LANCL2: variants seen among roughly 807,000 people sequenced by gnomAD.
The protein encoded by LANCL2 is LanC like glutathione S-transferase 2, also known as lanC-like protein 2.
In LANCL2, 33 loss-of-function variants were observed where a neutral mutation model predicts 56.9. The observed-to-expected ratio is 0.58, with a 90% confidence interval of 0.44 to 0.78. The LOEUF is 0.78. LANCL2 is among the 30% of genes least tolerant of loss of function. The probability of loss-of-function intolerance (pLI) is 0.00; values close to 1 mark genes in which losing one functional copy is unlikely to be tolerated. For missense variants in LANCL2, 562 were observed against 580.2 expected (o/e 0.97, Z 0.32); for synonymous variants, 233 against 228.2 (o/e 1.02, Z -0.19).
At chr7:55,379,075 A>G (rs564207696) in intron 1 of LANCL2, among the ~76,000 whole-genome samples, 2 of 152,326 alleles carry the variant, frequency 1.3e-5, no homozygotes, top group Admixed American at 6.5e-5. Flanking sequence ...GTGTGAAGCC[A>G]GGAGGTGGAG....
At chr7:55,401,405 T>C in intron 5 of LANCL2, 85 bp downstream of exon 5, 1 of 1,201,494 alleles carries the variant, frequency 8.3e-7, no homozygotes, top group South Asian at 1.4e-5. Context: ...CAAAGCAGTC[T>C]GGATTGAAAT....
At chr7:55,427,393 A>G (rs550335150) in intron 7 of LANCL2, among the ~76,000 whole-genome samples, 1 of 152,256 alleles carries the variant, frequency 6.6e-6, no homozygotes, top group Non-Finnish European at 1.5e-5. Flanking sequence ...AGATTGCTGT[A>G]GTCCCAGTAG....
intron 1 of LANCL2, among the ~76,000 whole-genome samples, chr7:55,375,874 C>G (rs998284257): frequency 1.3e-5 from 2 of 152,206 alleles, no homozygotes; most frequent in South Asian, 4.1e-4. Flanking sequence ...TCCTCAATGC[C>G]ACCTGAGCCC....
At chr7:55,421,441 C>T (rs529130302) in intron 6 of LANCL2, among the ~76,000 whole-genome samples, 53 of 150,324 alleles carry the variant, frequency 3.5e-4, no homozygotes, top group Middle Eastern at 3.4e-3. Context: ...TGGGTTCAAG[C>T]AATTCTCCTG....
At chr7:55,383,836 C>G (rs1239346355) in intron 1 of LANCL2, among the ~76,000 whole-genome samples, 1 of 137,320 alleles carries the variant, frequency 7.3e-6, no homozygotes, top group Non-Finnish European at 1.6e-5. Flanking sequence ...GACTTCGTCT[C>G]TCTCTATATA....
intron 1 of LANCL2, among the ~76,000 whole-genome samples, chr7:55,373,208 T>TTAAC: frequency 1.9e-5 from 2 of 105,828 alleles, no homozygotes. Context: ...CCACTTAACT[T>TTAAC]TACTGCTTTC....
chr7:55,386,636 C>CT (rs1554380364), intron 1 of LANCL2, among the ~76,000 whole-genome samples: 6 of 152,064 alleles, frequency 3.9e-5, no homozygotes, highest in African/African-American at 4.8e-5. Context: ...GCTTATCCGG[C>CT]TTTTTTTTGC....
At chr7:55,397,086 A>C (rs1790261806) in intron 2 of LANCL2, 1 of 152,224 alleles carries the variant, frequency 6.6e-6, no homozygotes, top group African/African-American at 2.4e-5. Flanking sequence ...AAAAAGTGTT[A>C]AGGATTAATT....
intron 8 of LANCL2, 45 bp from the exon 9 acceptor site, chr7:55,431,181 C>A (rs745949849): frequency 7.1e-7 from 1 of 1,416,986 alleles, no homozygotes; most frequent in Non-Finnish European, 9.8e-7. Context: ...GTTATAGACA[C>A]TACCCTTATG....
intron 1 of LANCL2, among the ~76,000 whole-genome samples, chr7:55,366,885 GGA>G (rs1312955402): frequency 6.6e-6 from 1 of 152,214 alleles, no homozygotes; most frequent in Non-Finnish European, 1.5e-5. Context: ...GGCAGCTGTG[GGA>G]GAGTAAAGTG....
In LANCL2 at chr7:55,432,194, A is replaced by C. The variant is rs997799697; in HGVS notation, c.*874A>C. 5 of 152,262 alleles carry C rather than the reference A, an allele frequency of 3.3e-5. No individual in the cohort carries two copies. The highest frequency in any genetic ancestry group is 1.2e-4 in the African/African-American group (5 of 41,474). The allele number at this position is 152,262 out of a possible 1,614,324, so 9.4% of individuals were successfully genotyped here. On this transcript the variant is annotated 3_prime_UTR_variant, in exon 9 of 9. Coordinates refer to ENST00000254770, the MANE Select transcript of LANCL2 (RefSeq NM_018697.4). ...CATTATAAGTTACTGTTCTAAGAAA[A>C]GTAAATACAGTTCCAGATGGGTTAT...
Position 55,428,386 on chromosome 7 carries a change from G to A in LANCL2, c.1197G>A (p.Trp399Ter). ...YLYRACKFAE[W>*]CLDYGAHGCR... is the part of the protein sequence containing the mutation. ...CCCTTTCTTTTCAGTTTGCAGAGTGGTGTCTAGATTACGGAGCACACGGGT... is the reference window on the plus strand; with the variant it reads ...CCCTTTCTTTTCAGTTTGCAGAGTGATGTCTAGATTACGGAGCACACGGGT... The change falls in exon 8 of 9, where the codon TGG (tryptophan) becomes TGA (stop). Residue 399 changes from tryptophan (W) to a stop codon, truncating the protein, a stop_gained. Transcript: ENST00000254770. LOFTEE classifies it high-confidence loss of function. The A allele has an allele frequency of 6.2e-7, 1 of 1,614,060 alleles. No individual in the cohort carries two copies. Among genetic ancestry groups the A allele is most frequent in the Non-Finnish European group, 8.5e-7 (1 of 1,179,880 alleles).
rs2128990264 is a variant in LANCL2, at chr7:55,365,932, C to CA, written c.-94_-93insA. 9.6e-7 allele frequency: 1 copy of CA among 1,037,496 alleles called. No homozygotes were observed. Among genetic ancestry groups the CA allele is most frequent in the African/African-American group, 1.7e-5 (1 of 58,808 alleles). 64.3% of individuals were successfully genotyped at this position (1,037,496 alleles called of 1,614,324 possible). A position where few individuals can be genotyped will look rare whatever the true frequency, so the allele number is the denominator to read the frequency against. On this transcript the variant is annotated 5_prime_UTR_variant, in exon 1 of 9. Transcript: ENST00000254770. ...GGCCTCGCTCCTCCTAGAGGACGCT[C>CA]TCTGCGCGGGCCCTCGGAGGAGGCG...
At chr7:55,429,895 G>A (rs545820265) in intron 8 of LANCL2, among the ~76,000 whole-genome samples, 57 of 152,388 alleles carry the variant, frequency 3.7e-4, no homozygotes, top group Middle Eastern at 6.8e-3. Flanking sequence ...CCAAATTCCC[G>A]TCAGGGGACG....
Position 55,365,545 on chromosome 7 carries a change from A to G in LANCL2, c.-481A>G, listed in dbSNP as rs1789846684. The G allele has an allele frequency of 6.5e-6, 1 of 152,716 alleles. No individual in the cohort carries two copies. Among genetic ancestry groups the G allele is most frequent in the Non-Finnish European group, 1.5e-5 (1 of 68,402 alleles). 9.5% of individuals were successfully genotyped at this position (152,716 alleles called of 1,614,324 possible). On this transcript the variant is annotated 5_prime_UTR_variant, in exon 1 of 9. Coordinates refer to ENST00000254770, the MANE Select transcript of LANCL2 (RefSeq NM_018697.4). ...GCGACGCGCACACACCTTGAGTGAC[A>G]GCGACCTCTTCTCTACAGGTTTTCC...
chr7:55,416,969 G>GTTTTTT (rs869116156), intron 6 of LANCL2, among the ~76,000 whole-genome samples: 6 of 81,648 alleles, frequency 7.3e-5, no homozygotes, highest in African/African-American at 2.5e-4. Flanking sequence ...AAACGAGGTG[G>GTTTTTT]TTTTTTTTTT....
chr7:55,375,898 C>T (rs867262570), intron 1 of LANCL2, among the ~76,000 whole-genome samples: 2 of 152,302 alleles, frequency 1.3e-5, no homozygotes, highest in South Asian at 2.1e-4. Flanking sequence ...CCATGCTTTC[C>T]ACATGGTCCT....
At chr7:55,418,789 A>G (rs1480970649) in intron 6 of LANCL2, among the ~76,000 whole-genome samples, 1 of 152,172 alleles carries the variant, frequency 6.6e-6, no homozygotes, top group Non-Finnish European at 1.5e-5. Context: ...GGCTTTTATC[A>G]GATTGAAGAA....
chr7:55,376,459 C>T (rs1010545285), intron 1 of LANCL2, among the ~76,000 whole-genome samples: 3 of 152,166 alleles, frequency 2.0e-5, no homozygotes, highest in African/African-American at 7.2e-5. Flanking sequence ...CACATTGCCC[C>T]ACTGACGGTA....
Sources: gnomAD v4.1 joint callset for allele counts (sites outside exome capture counted in the v4.1 genomes callset) on GRCh38, gnomAD v4.1.1 for gene constraint, MANE v1.5 for transcripts, NCBI Gene and HGNC (gene_info 2026-07-23, HGNC 2026-07-21) for gene names.